Variants in PAX5 observed in about 807,000 individuals in gnomAD.
The protein encoded by PAX5 is paired box protein Pax-5.
In PAX5, 9 loss-of-function variants were observed where a neutral mutation model predicts 43.7. The ratio of observed to expected loss-of-function variants is 0.21; its 90% CI spans 0.12 to 0.36. The LOEUF is 0.36. PAX5 is among the 10% of genes least tolerant of loss of function. The pLI is 1.00. For synonymous variants in PAX5, 228 were observed against 214.3 expected, an observed-to-expected ratio of 1.06 and a Z score of -0.56; for missense variants, 383 against 532.7, an observed-to-expected ratio of 0.72 and a Z score of 2.77.
intron 1 of PAX5, among the ~76,000 whole-genome samples, chr9:37,021,592 A>C (rs919877003): frequency 7.2e-5 from 11 of 152,222 alleles, no homozygotes; most frequent in African/African-American, 2.4e-4. Flanking sequence ...AAATAAAGAA[A>C]CCTACAAAAG....
At chr9:37,007,090 C>T (rs1393452116) in intron 3 of PAX5, among the ~76,000 whole-genome samples, 3 of 152,176 alleles carry the variant, frequency 2.0e-5, no homozygotes, top group Admixed American at 1.3e-4. Context: ...TGTTCTGATA[C>T]TAGGGAGAGT....
At position 36,958,554 on chromosome 9, in the gene PAX5, C is replaced by T. The variant is rs796467230; in HGVS notation, c.780+7995G>A. Among the ~76,000 whole-genome samples the T allele has an allele frequency of 3.3e-4, 50 of 152,166 alleles. 1 individual carries two copies. The South Asian group carries it at 5.0e-3, about 15-fold the overall frequency. On this transcript the variant is annotated intron_variant, in intron 6 of 9. Transcript: ENST00000358127. ...GGGCCACACTTTTTGGGCAATACTA[C>T]GGACTGGAGAGAAGCTAGACCCAGG... is the stretch of plus-strand genomic sequence containing the variant.
At chr9:37,029,400 G>T (rs1413440487) in intron 1 of PAX5, among the ~76,000 whole-genome samples, 2 of 152,154 alleles carry the variant, frequency 1.3e-5, no homozygotes, top group African/African-American at 4.8e-5. Flanking sequence ...CCCCACCAGG[G>T]CACAGCTGCG....
intron 2 of PAX5, among the ~76,000 whole-genome samples, chr9:37,016,558 A>AG (rs1048718013): frequency 1.3e-5 from 2 of 152,114 alleles, no homozygotes; most frequent in Non-Finnish European, 2.9e-5. Context: ...ACATCATTTC[A>AG]GGGGGGGATA....
rs552664930 is a variant in PAX5 at position 36,834,215 on chromosome 9, C to T, written c.*6345G>A. The T allele has an allele frequency of 3.6e-4, 84 of 233,320 alleles. 2 individuals are homozygous for T. The South Asian group carries it at 0.014, about 40-fold the overall frequency. The allele number at this position is 233,320 out of a possible 1,614,324, so 14.5% of individuals were successfully genotyped here. On this transcript the variant is annotated 3_prime_UTR_variant, in exon 10 of 10. Transcript: ENST00000358127. ...AAGTGGGGCCCAGGCAACGCCAGGC[C>T]CTCACTGCCCGCCACCCTCTGTTGT...
At chr9:36,933,348 G>C (rs1206288042) in intron 6 of PAX5, among the ~76,000 whole-genome samples, 2 of 152,140 alleles carry the variant, frequency 1.3e-5, no homozygotes, top group Non-Finnish European at 2.9e-5. Context: ...GCCCTGCCCT[G>C]CTCCTTGAAA....
At position 36,839,331 on chromosome 9, in the gene PAX5, G is replaced by T. The variant is rs558684504; in HGVS notation, c.*1229C>A. 1.3e-5 allele frequency: 3 copies of T among 233,488 alleles called. No individual in the cohort carries two copies. The South Asian group carries it at 5.4e-4, about 42-fold the overall frequency. 14.5% of individuals were successfully genotyped at this position (233,488 alleles called of 1,614,324 possible). A position where few individuals can be genotyped will look rare whatever the true frequency, so the allele number is the denominator to read the frequency against. On this transcript the variant is annotated 3_prime_UTR_variant, in exon 10 of 10. Transcript: ENST00000358127. ...CCATCGCGGCCCCTTAGATCAACAG[G>T]TGGGCATGCATTGTGCGAAATTAGG...
At chr9:36,928,787 A>C (rs1229573032) in intron 6 of PAX5, among the ~76,000 whole-genome samples, 1 of 152,134 alleles carries the variant, frequency 6.6e-6, no homozygotes, top group Non-Finnish European at 1.5e-5. Flanking sequence ...GGCATTCAAC[A>C]CTTTTACGAG....
intron 5 of PAX5, among the ~76,000 whole-genome samples, chr9:36,981,579 G>T (rs1835951380): frequency 6.6e-6 from 1 of 152,196 alleles, no homozygotes; most frequent in Admixed American, 6.5e-5. Flanking sequence ...AAACAAAGGG[G>T]TCCCTAGGGA....
In PAX5 at chr9:36,834,417, A is replaced by AGTGAGT. The variant is rs1821495488; in HGVS notation, c.*6142_*6143insACTCAC. 1 of 220,274 alleles carries AGTGAGT rather than the reference A, an allele frequency of 4.5e-6. No individual in the cohort carries two copies. Among genetic ancestry groups the AGTGAGT allele is most frequent in the Non-Finnish European group, 8.9e-6 (1 of 112,458 alleles). 13.6% of individuals were successfully genotyped at this position (220,274 alleles called of 1,614,324 possible). A position where few individuals can be genotyped will look rare whatever the true frequency, so the allele number is the denominator to read the frequency against. On this transcript the variant is annotated 3_prime_UTR_variant, in exon 10 of 10. Coordinates refer to ENST00000358127, the MANE Select transcript of PAX5 (RefSeq NM_016734.3). ...TGTCTGAGGTGTAGGGGAGTGAGTG[A>AGTGAGT]GTGTGTGTGTGTGTGTGTGTGTGTG... is the stretch of plus-strand genomic sequence containing the variant.
chr9:37,012,135 A>G lies in PAX5; in HGVS notation c.410+2862T>C, dbSNP rs1490631878. 2.0e-5 allele frequency among the ~76,000 whole-genome samples: 3 copies of G among 152,262 alleles called. No individual in the cohort carries two copies. The East Asian group carries it at 5.8e-4, about 29-fold the overall frequency. Reference sequence around the variant, plus strand: ...GAGCCCCCAGTGAAGAGCACTGGAGAAGGCTAAGGATGAGAGAGGGCAGGC... The same window carrying G: ...GAGCCCCCAGTGAAGAGCACTGGAGGAGGCTAAGGATGAGAGAGGGCAGGC... On this transcript the variant is annotated intron_variant, in intron 3 of 9. Transcript: ENST00000358127.
chr9:36,949,800 C>T (rs1832848496), intron 6 of PAX5, among the ~76,000 whole-genome samples: 1 of 152,204 alleles, frequency 6.6e-6, no homozygotes, highest in South Asian at 2.1e-4. Context: ...CCATTGCTCA[C>T]CACACCATCC....
At chr9:37,027,947 T>A (rs140045835) in intron 1 of PAX5, among the ~76,000 whole-genome samples, 2,093 of 152,278 alleles carry the variant, frequency 0.014, 52 homozygotes, top group African/African-American at 0.047. Flanking sequence ...TAAGGCCTAG[T>A]GGATCGCGGC....
chr9:36,976,226 G>T (rs1835415350), intron 5 of PAX5, among the ~76,000 whole-genome samples: 1 of 152,188 alleles, frequency 6.6e-6, no homozygotes, highest in African/African-American at 2.4e-5. Flanking sequence ...AAAAGAAAAT[G>T]CAGCAAGTCA....
At chr9:36,892,603 G>A (rs771798059) in intron 7 of PAX5, among the ~76,000 whole-genome samples, 1 of 152,172 alleles carries the variant, frequency 6.6e-6, no homozygotes, top group Non-Finnish European at 1.5e-5. Flanking sequence ...TTCAGTAGGT[G>A]AATCACAGAA....
intron 2 of PAX5, among the ~76,000 whole-genome samples, chr9:37,018,362 C>T (rs537292101): frequency 2.6e-5 from 4 of 152,036 alleles, no homozygotes; most frequent in Non-Finnish European, 5.9e-5. Context: ...CCAAGCTGTG[C>T]GTCTCTAGCC....
At chr9:36,959,735 C>T (rs1174812989) in intron 6 of PAX5, among the ~76,000 whole-genome samples, 5 of 152,260 alleles carry the variant, frequency 3.3e-5, no homozygotes, top group Admixed American at 3.3e-4. Context: ...GGTTGCATCT[C>T]CAGGAAACTA....
intron 7 of PAX5, among the ~76,000 whole-genome samples, chr9:36,897,296 G>C (rs1827950408): frequency 6.6e-6 from 1 of 152,122 alleles, no homozygotes; most frequent in Non-Finnish European, 1.5e-5. Context: ...AACCGCTGTG[G>C]AATCAGGGAG....
intron 1 of PAX5, among the ~76,000 whole-genome samples, chr9:37,024,327 C>T (rs984646412): frequency 3.9e-5 from 6 of 152,022 alleles, no homozygotes; most frequent in Admixed American, 3.9e-4. Context: ...CTGCTCCTCT[C>T]CAAAGAAGCT....
Sources: allele counts gnomAD v4.1 joint callset (sites outside exome capture counted in the v4.1 genomes callset), GRCh38; gene constraint gnomAD v4.1.1; transcripts MANE v1.5; gene names NCBI Gene and HGNC (gene_info 2026-07-23, HGNC 2026-07-21).